EXOC4: variants seen among roughly 807,000 people sequenced by gnomAD.
EXOC4 encodes the protein exocyst complex component 4, also known as SEC8-like 1.
EXOC4 carries 71 observed loss-of-function variants against 107.2 expected under a neutral mutation model. That is an observed-to-expected ratio of 0.66 (90% confidence interval 0.55 to 0.81). The LOEUF (loss-of-function observed/expected upper bound fraction) is 0.81, where lower values mean the gene tolerates loss of function less well. Ranked by LOEUF, EXOC4 falls within the 30% of genes least tolerant of loss-of-function variation. EXOC4 has a pLI of 0.00. For missense variants in EXOC4, 1,108 were observed against 1,189.6 expected (o/e 0.93, Z 1.01); for synonymous variants, 456 against 441.2 (o/e 1.03, Z -0.42).
At chr7:133,386,948 G>T (rs774361990) in intron 7 of EXOC4, among the ~76,000 whole-genome samples, 2 of 152,078 alleles carry the variant, frequency 1.3e-5, no homozygotes, top group Non-Finnish European at 2.9e-5. Flanking sequence ...CCATTATTTG[G>T]TCTATTTTAA....
At chr7:133,517,404 G>T (rs571192990) in intron 9 of EXOC4, among the ~76,000 whole-genome samples, 2 of 152,236 alleles carry the variant, frequency 1.3e-5, no homozygotes, top group South Asian at 2.1e-4. Flanking sequence ...TATAATTTTT[G>T]TTCTCTGAGT....
intron 10 of EXOC4, among the ~76,000 whole-genome samples, chr7:133,698,235 A>C (rs946493815): frequency 6.6e-6 from 1 of 151,958 alleles, no homozygotes; most frequent in African/African-American, 2.4e-5. Flanking sequence ...ATCCTGGTCT[A>C]TTGTTTTTTT....
the EXOC4 span, among the ~76,000 whole-genome samples, chr7:134,091,352 T>C: frequency 6.6e-6 from 1 of 152,206 alleles, no homozygotes; most frequent in East Asian, 1.9e-4. Context: ...GTCATTGCCA[T>C]GGCATTTGTA....
intron 10 of EXOC4, among the ~76,000 whole-genome samples, chr7:133,691,043 C>A (rs1038230206): frequency 1.3e-5 from 2 of 152,192 alleles, no homozygotes; most frequent in African/African-American, 2.4e-5. Context: ...GAGAACTCTT[C>A]TGCATCTGTT....
intron 7 of EXOC4, among the ~76,000 whole-genome samples, chr7:133,378,437 C>A (rs187013237): frequency 1.3e-5 from 2 of 151,702 alleles, no homozygotes; most frequent in East Asian, 1.9e-4. Context: ...AATGCTTTTC[C>A]CCCCCACATT....
Position 133,982,282 on chromosome 7 carries a change from G to GT in EXOC4, c.2207-15209dup, listed in dbSNP as rs1208341298. Among the ~76,000 whole-genome samples the GT allele has an allele frequency of 3.3e-5, 5 of 152,314 alleles. No homozygotes were observed. In the East Asian group the frequency reaches 9.6e-4, roughly 29 times the overall value. ...ATTAAAAAGATACGGGCCGGGTGTG[G>GT]TGGCTCACGCCTGTAATCCCAGCAC... On this transcript the variant is annotated intron_variant, in intron 14 of 17. Transcript: ENST00000253861.
intron 3 of EXOC4, among the ~76,000 whole-genome samples, chr7:133,289,971 A>G (rs1794366581): frequency 6.6e-6 from 1 of 152,220 alleles, no homozygotes; most frequent in South Asian, 2.1e-4. Context: ...ATTGGCTTTA[A>G]CACTGGAAAA....
chr7:133,424,841 A>G (rs1797688854), intron 7 of EXOC4, among the ~76,000 whole-genome samples: 1 of 152,240 alleles, frequency 6.6e-6, no homozygotes, highest in Admixed American at 6.5e-5. Context: ...TAGATGAGAC[A>G]TTTAAAATGT....
intron 3 of EXOC4, among the ~76,000 whole-genome samples, chr7:133,303,033 A>G (rs184279641): frequency 1.3e-5 from 2 of 152,242 alleles, no homozygotes; most frequent in African/African-American, 4.8e-5. Flanking sequence ...GTACCTCCCC[A>G]GTACAACAGA....
intron 14 of EXOC4, among the ~76,000 whole-genome samples, chr7:133,941,821 T>TTCCCTCTCTCTCTCTCTC (rs1800435249): frequency 2.3e-5 from 3 of 129,544 alleles, no homozygotes; most frequent in African/African-American, 8.3e-5. Context: ...TGCTTACAGA[T>TTCCCTCTCTCTCTCTCTC]TCTCTCTCTC....
intron 9 of EXOC4, among the ~76,000 whole-genome samples, chr7:133,533,596 T>C (rs1800220268): frequency 3.3e-5 from 5 of 152,162 alleles, no homozygotes; most frequent in Admixed American, 2.6e-4. Context: ...TACCTAGCTC[T>C]AGGGGTAGCA....
At chr7:133,661,871 T>C (rs1793695800) in intron 10 of EXOC4, among the ~76,000 whole-genome samples, 3 of 152,036 alleles carry the variant, frequency 2.0e-5, no homozygotes, top group Admixed American at 6.6e-5. Flanking sequence ...AACTCCTTAG[T>C]ACTTAGAGAG....
chr7:133,943,255 A>G lies in EXOC4; in HGVS notation c.2206+5186A>G, dbSNP rs146818026. Among the ~76,000 whole-genome samples the G allele has an allele frequency of 4.9e-4, 74 of 152,286 alleles. 1 individual carries two copies. In the East Asian group the frequency reaches 0.013, roughly 26 times the overall value. On this transcript the variant is annotated intron_variant, in intron 14 of 17. Transcript: ENST00000253861. ...CCTTTGAAAGATACTTGAAATGCCT[A>G]CCTAGTTCTATCAAAACATGGTGAA...
rs1799010875 is a variant in EXOC4 at position 133,476,290 on chromosome 7, A to G, written c.1328+817A>G. ...AATACTTTTGTACATATAAAAAAAT[A>G]GAGACATGAAAGGTTAAGTAATTTA... On this transcript the variant is annotated intron_variant, in intron 8 of 17. Transcript: ENST00000253861. Among the ~76,000 whole-genome samples the G allele has an allele frequency of 2.0e-5, 3 of 152,194 alleles. No homozygotes were observed. In the South Asian group the frequency reaches 6.2e-4, roughly 31 times the overall value.
At chr7:133,587,916 T>TC (rs1430307784) in intron 9 of EXOC4, among the ~76,000 whole-genome samples, 6 of 151,764 alleles carry the variant, frequency 4.0e-5, no homozygotes, top group African/African-American at 1.5e-4. Flanking sequence ...TTCTAGCAGG[T>TC]TTTTTTTTCC....
Position 133,610,661 on chromosome 7 carries a change from C to T in EXOC4, c.1418-19384C>T, listed in dbSNP as rs1802055951. ...TTGAATAGAGCTCTAAATCTTAAACCTGCTTTCCTCTGAGGATTCAACTCT... is the reference window on the plus strand; with the variant it reads ...TTGAATAGAGCTCTAAATCTTAAACTTGCTTTCCTCTGAGGATTCAACTCT... On this transcript the variant is annotated intron_variant, in intron 9 of 17. Transcript: ENST00000253861. Among the ~76,000 whole-genome samples, 4 of 152,072 alleles carry T rather than the reference C, an allele frequency of 2.6e-5. No homozygotes were observed. In the South Asian group the frequency reaches 8.3e-4, roughly 31 times the overall value.
chr7:133,357,408 T>C (rs766108244), intron 6 of EXOC4, among the ~76,000 whole-genome samples: 7 of 152,232 alleles, frequency 4.6e-5, no homozygotes, highest in Non-Finnish European at 2.9e-5. Context: ...TGTCTCATGC[T>C]TTCTTCTTTA....
In EXOC4 at chr7:133,855,146, T is replaced by TAA. The variant is rs1563028666; in HGVS notation, c.1734+37603_1734+37604insAA. The stretch of plus-strand genomic sequence containing the variant: ...ATATATAAATATATATATATATAAA[T>TAA]ATATATATAAATATATATATTTTTT... On this transcript the variant is annotated intron_variant, in intron 11 of 17. Coordinates refer to ENST00000253861, the MANE Select transcript of EXOC4 (RefSeq NM_021807.4). Among the ~76,000 whole-genome samples the TAA allele has an allele frequency of 1.7e-4, 19 of 112,260 alleles. No individual in the cohort carries two copies. In the South Asian group the frequency reaches 3.0e-3, roughly 18 times the overall value. 73.6% of individuals were successfully genotyped at this position (112,260 alleles called of 152,430 possible).
At chr7:134,039,001 G>A (rs1219415770) in intron 17 of EXOC4, among the ~76,000 whole-genome samples, 1 of 152,190 alleles carries the variant, frequency 6.6e-6, no homozygotes, top group Non-Finnish European at 1.5e-5. Context: ...TGGAGATCCT[G>A]AGGTTTCTGC....
Sources: gnomAD v4.1 joint callset for allele counts (sites outside exome capture counted in the v4.1 genomes callset) on GRCh38, gnomAD v4.1.1 for gene constraint, MANE v1.5 for transcripts, NCBI Gene and HGNC (gene_info 2026-07-23, HGNC 2026-07-21) for gene names.